The following PTPRO variants were observed in gnomAD, a reference collection of about 807,000 sequenced individuals.
PTPRO encodes protein tyrosine phosphatase receptor type O, also known as receptor-type tyrosine-protein phosphatase O.
PTPRO carries 62 observed loss-of-function variants against 145.2 expected under a neutral mutation model. The observed-to-expected ratio is 0.43, with a 90% confidence interval of 0.35 to 0.53. The LOEUF (loss-of-function observed/expected upper bound fraction) is 0.53, where lower values mean the gene tolerates loss of function less well. PTPRO is among the 20% of genes least tolerant of loss of function. PTPRO has a pLI of 0.01. For synonymous variants in PTPRO, 565 were observed against 514.7 expected, an observed-to-expected ratio of 1.10 and a Z score of -1.32; for missense variants, 1,345 against 1,482.7, an observed-to-expected ratio of 0.91 and a Z score of 1.53.
intron 1 of PTPRO, among the ~76,000 whole-genome samples, chr12:15,386,046 A>C (rs905871496): frequency 3.3e-5 from 5 of 152,116 alleles, no homozygotes; most frequent in African/African-American, 9.7e-5. Context: ...GCTGCAGAGA[A>C]TATTTTGTTT....
At chr12:15,521,111 A>G (rs1942710533) in intron 10 of PTPRO, among the ~76,000 whole-genome samples, 2 of 152,188 alleles carry the variant, frequency 1.3e-5, no homozygotes, top group Admixed American at 1.3e-4. Flanking sequence ...ATCGAACGAC[A>G]AGGTTGTAAT....
rs183963996 is a variant in PTPRO at position 15,521,116 on chromosome 12, T to C, written c.1891+804T>C. ...AGAACCTTTTATCGAACGACAAGGT[T>C]GTAATTAGAGTTGTCCTGAGAAAAC... On this transcript the variant is annotated intron_variant, in intron 10 of 26. Transcript: ENST00000281171. Among the ~76,000 whole-genome samples the C allele has an allele frequency of 2.6e-3, 392 of 152,274 alleles. 2 individuals carry two copies. The highest frequency in any genetic ancestry group is 8.6e-3 in the African/African-American group (356 of 41,558).
chr12:15,551,741 T>A, intron 15 of PTPRO, 70 bp downstream of exon 15: 2 of 1,534,094 alleles, frequency 1.3e-6, no homozygotes, highest in Non-Finnish European at 1.8e-6. Flanking sequence ...TATATATTGT[T>A]TTTGCACACC....
At chr12:15,574,764 G>T (rs1944142386) in intron 19 of PTPRO, among the ~76,000 whole-genome samples, 1 of 152,162 alleles carries the variant, frequency 6.6e-6, no homozygotes, top group Admixed American at 6.5e-5. Flanking sequence ...AAAATGACTT[G>T]TTGGATTTTT....
At chr12:15,379,913 A>G (rs1938806793) in intron 1 of PTPRO, among the ~76,000 whole-genome samples, 1 of 152,182 alleles carries the variant, frequency 6.6e-6, no homozygotes, top group Non-Finnish European at 1.5e-5. Flanking sequence ...ATTTAAAGTA[A>G]TTGTGCACTT....
At chr12:15,327,555 G>C (rs1485938588) in intron 1 of PTPRO, among the ~76,000 whole-genome samples, 1 of 152,110 alleles carries the variant, frequency 6.6e-6, no homozygotes, top group Non-Finnish European at 1.5e-5. Context: ...CCTGGTCTTG[G>C]TTATCCCTAT....
At chr12:15,426,935 T>C (rs940710046) in intron 1 of PTPRO, among the ~76,000 whole-genome samples, 4 of 152,070 alleles carry the variant, frequency 2.6e-5, no homozygotes, top group Non-Finnish European at 5.9e-5. Flanking sequence ...TGTTACTGTT[T>C]GGCAGTCAAA....
At chr12:15,378,997 G>A (rs1938772323) in intron 1 of PTPRO, among the ~76,000 whole-genome samples, 1 of 152,026 alleles carries the variant, frequency 6.6e-6, no homozygotes, top group African/African-American at 2.4e-5. Context: ...ATACCCACTG[G>A]GGACAGCTAT....
chr12:15,413,744 G>GCTC lies in PTPRO; in HGVS notation c.76-70230_76-70229insCTC, dbSNP rs1407982150. 4.6e-5 allele frequency among the ~76,000 whole-genome samples: 7 copies of GCTC among 152,148 alleles called. No individual in the cohort carries two copies. The East Asian group carries it at 9.6e-4, about 21-fold the overall frequency. On this transcript the variant is annotated intron_variant, in intron 1 of 26. Transcript: ENST00000281171. ...GCAGGAGAATTACTTGAGCCTGAGA[G>GCTC]GCGGAGGTTGCAGCGAGCCAAGATC...
At chr12:15,406,663 G>A (rs1447322290) in intron 1 of PTPRO, among the ~76,000 whole-genome samples, 1 of 152,060 alleles carries the variant, frequency 6.6e-6, no homozygotes, top group Non-Finnish European at 1.5e-5. Flanking sequence ...CTTCTCAAGG[G>A]CTTGAAATAG....
intron 1 of PTPRO, among the ~76,000 whole-genome samples, chr12:15,330,726 G>A (rs567607199): frequency 5.6e-4 from 85 of 152,180 alleles, no homozygotes; most frequent in Non-Finnish European, 1.1e-3. Context: ...CCAAATTCCT[G>A]AAACAGTTCT....
intron 1 of PTPRO, among the ~76,000 whole-genome samples, chr12:15,410,955 C>CA (rs914186939): frequency 1.1e-4 from 17 of 152,228 alleles, no homozygotes; most frequent in Middle Eastern, 3.4e-3. Context: ...CTAAAGAAAA[C>CA]ACATGGACAA....
At chr12:15,539,511 C>A (rs547671218) in intron 12 of PTPRO, among the ~76,000 whole-genome samples, 1 of 151,964 alleles carries the variant, frequency 6.6e-6, no homozygotes, top group South Asian at 2.1e-4. Flanking sequence ...CCTGTAATCC[C>A]AGCACTTTGG....
At chr12:15,372,430 C>T (rs527358509) in intron 1 of PTPRO, among the ~76,000 whole-genome samples, 2 of 152,290 alleles carry the variant, frequency 1.3e-5, no homozygotes, top group East Asian at 3.9e-4. Context: ...TTAGGAGACT[C>T]ACTTATTTTC....
intron 1 of PTPRO, among the ~76,000 whole-genome samples, chr12:15,454,148 T>G (rs1284097039): frequency 6.6e-6 from 1 of 152,176 alleles, no homozygotes; most frequent in Non-Finnish European, 1.5e-5. Flanking sequence ...TGTAGGTACC[T>G]CCACATAGTT....
At chr12:15,387,757 G>A (rs1939069741) in intron 1 of PTPRO, among the ~76,000 whole-genome samples, 1 of 152,110 alleles carries the variant, frequency 6.6e-6, no homozygotes. Flanking sequence ...TTAAATCAGA[G>A]GAATCATGAT....
chr12:15,593,853 T>G lies in PTPRO; in HGVS notation c.3547-1084T>G, dbSNP rs113855350. Among the ~76,000 whole-genome samples, 619 of 152,264 alleles carry G rather than the reference T, an allele frequency of 4.1e-3. 13 individuals are homozygous for G. Among genetic ancestry groups the G allele is most frequent in the African/African-American group, 0.014 (596 of 41,558 alleles). The stretch of plus-strand genomic sequence containing the variant: ...CTTCTAGCTTTGTCCACTACATAGA[T>G]AGAAAATAATTATTTCAATGTACTT... On this transcript the variant is annotated intron_variant, in intron 25 of 26. Coordinates refer to ENST00000281171, the MANE Select transcript of PTPRO (RefSeq NM_030667.3).
At position 15,526,135 on chromosome 12, in the gene PTPRO, C is replaced by T; in HGVS notation, c.2044-7C>T. Reference sequence around the variant, plus strand: ...AGTTTAAACCCTTGATTTTGATGATCTTGCAGGTAACACGCAATGTCATGA... The same window carrying T: ...AGTTTAAACCCTTGATTTTGATGATTTTGCAGGTAACACGCAATGTCATGA... On this transcript the variant is annotated splice_region_variant and splice_polypyrimidine_tract_variant and intron_variant, in intron 11 of 26. Transcript: ENST00000281171. 6.2e-7 allele frequency: 1 copy of T among 1,613,918 alleles called. No individual in the cohort carries two copies. The highest frequency in any genetic ancestry group is 8.5e-7 in the Non-Finnish European group (1 of 1,179,886).
chr12:15,367,459 C>G (rs762070301), intron 1 of PTPRO, among the ~76,000 whole-genome samples: 1 of 152,210 alleles, frequency 6.6e-6, no homozygotes, highest in Non-Finnish European at 1.5e-5. Flanking sequence ...CTAGTAGAGT[C>G]ATGGACTTTA....
Sources: gnomAD v4.1 joint callset for allele counts (sites outside exome capture counted in the v4.1 genomes callset) on GRCh38, gnomAD v4.1.1 for gene constraint, MANE v1.5 for transcripts, NCBI Gene and HGNC (gene_info 2026-07-23, HGNC 2026-07-21) for gene names.